The following KIAA1217 variants were observed in gnomAD, a reference collection of about 807,000 sequenced individuals.
KIAA1217 encodes sickle tail protein homolog.
In KIAA1217, 88 loss-of-function variants were observed where a neutral mutation model predicts 163.9. The ratio of observed to expected loss-of-function variants is 0.54; its 90% CI spans 0.45 to 0.64. The LOEUF (loss-of-function observed/expected upper bound fraction) is 0.64, where lower values mean the gene tolerates loss of function less well. Ranked by LOEUF, KIAA1217 falls within the 30% of genes least tolerant of loss-of-function variation. The pLI is 0.00. For missense variants in KIAA1217, 2,372 were observed against 2,475.0 expected, an observed-to-expected ratio of 0.96 and a Z score of 0.88; for synonymous variants, 903 against 923.1, an observed-to-expected ratio of 0.98 and a Z score of 0.39.
At chr10:23,885,780 A>T (rs1310326998) in intron 1 of KIAA1217, among the ~76,000 whole-genome samples, 1 of 151,898 alleles carries the variant, frequency 6.6e-6, no homozygotes, top group African/African-American at 2.4e-5. Context: ...TGGGAAAAGG[A>T]TGGAAATAAA....
At chr10:23,854,510 T>C (rs1204628647) in intron 1 of KIAA1217, among the ~76,000 whole-genome samples, 2 of 152,038 alleles carry the variant, frequency 1.3e-5, no homozygotes, top group East Asian at 3.9e-4. Context: ...GGTGGAGAGT[T>C]CTGTAGATGT....
At chr10:23,800,236 A>G (rs1836406521) in intron 1 of KIAA1217, among the ~76,000 whole-genome samples, 1 of 152,218 alleles carries the variant, frequency 6.6e-6, no homozygotes, top group Admixed American at 6.5e-5. Context: ...CTGTTTATGT[A>G]TATGATGACT....
At chr10:23,709,404 C>A (rs1170195687) in intron 1 of KIAA1217, among the ~76,000 whole-genome samples, 1 of 151,852 alleles carries the variant, frequency 6.6e-6, no homozygotes, top group Non-Finnish European at 1.5e-5. Context: ...GGTTACACAC[C>A]TGTGGTCCCA....
At chr10:23,849,751 T>A (rs527890446) in intron 1 of KIAA1217, among the ~76,000 whole-genome samples, 290 of 152,252 alleles carry the variant, frequency 1.9e-3, no homozygotes, top group Non-Finnish European at 3.5e-3. Flanking sequence ...TTCATCTCTC[T>A]GTCTACTTTC....
intron 17 of KIAA1217, among the ~76,000 whole-genome samples, chr10:24,539,377 C>T (rs181528142): frequency 4.6e-5 from 7 of 152,146 alleles, no homozygotes; most frequent in Non-Finnish European, 1.0e-4. Flanking sequence ...TACAGGCGTG[C>T]ACCACCACAC....
intron 1 of KIAA1217, among the ~76,000 whole-genome samples, chr10:23,790,338 T>C (rs1475377576): frequency 8.5e-6 from 1 of 118,264 alleles, no homozygotes; most frequent in Non-Finnish European, 1.7e-5. Context: ...CATATATGCA[T>C]ATATACATAT....
chr10:24,225,393 G>A (rs935334938), intron 2 of KIAA1217, among the ~76,000 whole-genome samples: 7 of 152,164 alleles, frequency 4.6e-5, no homozygotes, highest in Middle Eastern at 3.4e-3. Context: ...TAAAGTGCTG[G>A]GATCATGAGC....
intron 1 of KIAA1217, among the ~76,000 whole-genome samples, chr10:23,983,136 G>A (rs1845839544): frequency 6.6e-6 from 1 of 151,936 alleles, no homozygotes; most frequent in South Asian, 2.1e-4. Flanking sequence ...TAAGGCAGCT[G>A]TCACCTCTAC....
intron 2 of KIAA1217, among the ~76,000 whole-genome samples, chr10:24,160,645 C>T (rs1405955313): frequency 3.9e-5 from 6 of 152,124 alleles, no homozygotes; most frequent in Non-Finnish European, 8.8e-5. Flanking sequence ...ATTTTCCTCT[C>T]GGCCTTTCAA....
chr10:24,412,727 T>C (rs749813804), intron 3 of KIAA1217, among the ~76,000 whole-genome samples: 1 of 152,196 alleles, frequency 6.6e-6, no homozygotes, highest in Non-Finnish European at 1.5e-5. Context: ...TCATTGCTTC[T>C]CTATATTCAT....
At chr10:23,898,614 AT>A (rs1356428289) in intron 1 of KIAA1217, among the ~76,000 whole-genome samples, 1 of 152,084 alleles carries the variant, frequency 6.6e-6, no homozygotes, top group Non-Finnish European at 1.5e-5. Flanking sequence ...TGCACATAAA[AT>A]TTACCATCTT....
chr10:23,858,435 GTA>G (rs10685806), intron 1 of KIAA1217, among the ~76,000 whole-genome samples: 56 of 149,922 alleles, frequency 3.7e-4, no homozygotes, highest in East Asian at 1.2e-3. Flanking sequence ...TATATATGCT[GTA>G]TATATATATA....
chr10:23,948,378 C>G (rs1317578776), intron 1 of KIAA1217, among the ~76,000 whole-genome samples: 1 of 152,128 alleles, frequency 6.6e-6, no homozygotes, highest in Non-Finnish European at 1.5e-5. Context: ...ATCTGCTTAC[C>G]AGGGTTTCAA....
intron 3 of KIAA1217, among the ~76,000 whole-genome samples, chr10:24,424,601 TG>T (rs1476660617): frequency 6.6e-6 from 1 of 152,198 alleles, no homozygotes; most frequent in African/African-American, 2.4e-5. Flanking sequence ...TTCTGTTTTT[TG>T]TTTTTGTTTT....
At chr10:24,519,654 A>G (rs949453079) in intron 10 of KIAA1217, among the ~76,000 whole-genome samples, 2 of 152,174 alleles carry the variant, frequency 1.3e-5, no homozygotes, top group African/African-American at 4.8e-5. Flanking sequence ...ACAGCGAAGA[A>G]TTACACAGCC....
In KIAA1217 at chr10:23,878,402, G is replaced by T. The variant is rs76097973; in HGVS notation, c.-320-128823G>T. 5.1e-3 allele frequency among the ~76,000 whole-genome samples: 772 copies of T among 151,932 alleles called. 7 individuals are homozygous for T. Among genetic ancestry groups the T allele is most frequent in the African/African-American group, 0.018 (750 of 41,476 alleles). ...ATTTAAATGATTTTGTTTCCAGAGG[G>T]ATTTGTTTGCTAGGATATGGAAGAT... On this transcript the variant is annotated intron_variant, in intron 1 of 18. Coordinates refer to the KIAA1217 transcript ENST00000376462.
At chr10:24,254,597 C>T (rs945573099) in intron 2 of KIAA1217, among the ~76,000 whole-genome samples, 1 of 152,180 alleles carries the variant, frequency 6.6e-6, no homozygotes, top group East Asian at 1.9e-4. Context: ...ACCTGGTATG[C>T]TTTTAAGGCA....
Position 24,447,588 on chromosome 10 carries a change from G to A in KIAA1217, c.846+9109G>A, listed in dbSNP as rs190385794. Among the ~76,000 whole-genome samples, 278 of 152,266 alleles carry A rather than the reference G, an allele frequency of 1.8e-3. 2 individuals carry two copies. The highest frequency in any genetic ancestry group is 6.2e-3 in the African/African-American group (258 of 41,534). On this transcript the variant is annotated intron_variant, in intron 5 of 20. Transcript: ENST00000376454. ...CTTCACGCTCCCTGTGGCTCTCTCGGACAATGCCCTGCCCTGAGTAGATTC... is the reference window on the plus strand; with the variant it reads ...CTTCACGCTCCCTGTGGCTCTCTCGAACAATGCCCTGCCCTGAGTAGATTC...
At chr10:24,294,129 A>G (rs942371798) in intron 2 of KIAA1217, among the ~76,000 whole-genome samples, 9 of 124,072 alleles carry the variant, frequency 7.3e-5, no homozygotes, top group African/African-American at 1.8e-4. Context: ...CGGAGCTTGC[A>G]GTGAGCCGAG....
Sources: gnomAD v4.1 joint callset for allele counts (sites outside exome capture counted in the v4.1 genomes callset) on GRCh38, gnomAD v4.1.1 for gene constraint, MANE v1.5 for transcripts, NCBI Gene and HGNC (gene_info 2026-07-23, HGNC 2026-07-21) for gene names.